SFR1: variants seen among roughly 807,000 people sequenced by gnomAD.
SFR1 encodes the protein swi5-dependent recombination DNA repair protein 1 homolog.
Under a neutral mutation model 26.2 loss-of-function variants are expected in SFR1, and 24 were observed. That is an observed-to-expected ratio of 0.92 (90% CI 0.66 to 1.29). SFR1 has a LOEUF of 1.29. Among genes scored for constraint, SFR1 ranks in the 50% most tolerant of loss-of-function variants. The probability of loss-of-function intolerance (pLI) is 0.00; values close to 1 mark genes in which losing one functional copy is unlikely to be tolerated. For synonymous variants in SFR1, 77 were observed against 96.6 expected (o/e 0.80, Z 1.19); for missense variants, 276 against 270.2 (o/e 1.02, Z -0.15).
At chr10:104,123,325 A>C in intron 2 of SFR1, 1 of 454,138 alleles carries the variant, frequency 2.2e-6, no homozygotes, top group Non-Finnish European at 3.8e-6. Flanking sequence ...GGTTATTACA[A>C]TACTCCAGAT....
chr10:104,122,034 C>G (rs532651960), upstream of SFR1: 289 of 944,166 alleles, frequency 3.1e-4, 1 homozygote, highest in African/African-American at 4.5e-3. Flanking sequence ...GCGCGCAGTC[C>G]CACCGCTCTG....
intron 2 of SFR1, 134 bp downstream of exon 2, chr10:104,123,220 ATT>A: frequency 1.3e-6 from 1 of 777,368 alleles, no homozygotes; most frequent in South Asian, 2.4e-5. Flanking sequence ...TTATTAAATA[ATT>A]TTGTTTTTCT....
rs1183445870 is a variant in SFR1 at position 104,123,008 on chromosome 10, C to G, written c.57C>G (p.Asp19Glu). ...CTTTCAAGATGGAAAGTCCGTCAGACTCAGCTGTGGTTTTACCTAGCACTC... is the reference window on the plus strand; with the variant it reads ...CTTTCAAGATGGAAAGTCCGTCAGAGTCAGCTGTGGTTTTACCTAGCACTC... ...DFTFKMESPSDSAVVLPSTPQ... is the reference protein window; with the variant it reads ...DFTFKMESPSESAVVLPSTPQ... The change falls in exon 2 of 4, where the codon GAC becomes GAG. Residue 19 changes from aspartate to glutamate, a missense_variant. By Grantham distance (45) the Asp-to-Glu change is conservative (BLOSUM62 2). Coordinates refer to ENST00000369727, the MANE Select transcript of SFR1 (RefSeq NM_001002759.2). 6.2e-7 allele frequency: 1 copy of G among 1,613,700 alleles called. No homozygotes were observed. Among genetic ancestry groups the G allele is most frequent in the African/African-American group, 1.3e-5 (1 of 74,876 alleles).
At chr10:104,122,126 C>T (rs1052235482), upstream of SFR1, 12 of 1,545,784 alleles carry the variant, frequency 7.8e-6, no homozygotes, top group African/African-American at 1.5e-4. Flanking sequence ...CGGCCCCGCC[C>T]CTGCCACAGG....
intron 2 of SFR1, chr10:104,123,320 TTA>T: frequency 2.1e-6 from 1 of 470,434 alleles, no homozygotes; most frequent in East Asian, 3.4e-5. Flanking sequence ...GATTAGGTTA[TTA>T]CAATACTCCA....
chr10:104,125,510 C>T lies in SFR1; in HGVS notation c.547-3C>T, dbSNP rs1266603178. On this transcript the variant is annotated splice_polypyrimidine_tract_variant and splice_region_variant and intron_variant, in intron 3 of 3. Coordinates refer to ENST00000369727, the MANE Select transcript of SFR1 (RefSeq NM_001002759.2). ...GACATACATGTTTTTTTTTCTGTTT[C>T]AGAATGATCTGTCTCAGTTACAGTT... is the stretch of plus-strand genomic sequence containing the variant. 5.0e-6 allele frequency: 8 copies of T among 1,592,504 alleles called. No individual in the cohort carries two copies. The Admixed American group carries it at 5.6e-5, about 11-fold the overall frequency.
At chr10:104,125,413 T>A in intron 3 of SFR1, 100 bp from the exon 4 acceptor site, 1 of 852,334 alleles carries the variant, frequency 1.2e-6, no homozygotes, top group South Asian at 1.6e-5. Flanking sequence ...TCCCTGTGTA[T>A]GTTAGCCTTT....
At chr10:104,124,488 T>G (rs2134706728) in intron 3 of SFR1, among the ~76,000 whole-genome samples, 1 of 151,676 alleles carries the variant, frequency 6.6e-6, no homozygotes, top group Non-Finnish European at 1.5e-5. Flanking sequence ...ATAAAAGGTA[T>G]TTTTAGTAAT....
Position 104,126,319 on chromosome 10 carries a change from A to G in SFR1, c.*615A>G, listed in dbSNP as rs1257957585. The G allele has an allele frequency of 6.6e-6, 1 of 152,666 alleles. No individual in the cohort carries two copies. The highest frequency in any genetic ancestry group is 1.9e-4 in the East Asian group (1 of 5,204). 9.5% of individuals were successfully genotyped at this position (152,666 alleles called of 1,614,324 possible). A position where few individuals can be genotyped will look rare whatever the true frequency, so the allele number is the denominator to read the frequency against. Reference sequence around the variant, plus strand: ...TCCTAAGTTTATGTACCTTGTTTCCATCCATTTACCACATATTTCCATCTG... The same window carrying G: ...TCCTAAGTTTATGTACCTTGTTTCCGTCCATTTACCACATATTTCCATCTG... On this transcript the variant is annotated 3_prime_UTR_variant, in exon 4 of 4. Coordinates refer to ENST00000369727, the MANE Select transcript of SFR1 (RefSeq NM_001002759.2).
chr10:104,121,462 CCCCAACGCTGGAA>C (rs1208516534), upstream of SFR1, among the ~76,000 whole-genome samples: 6 of 152,254 alleles, frequency 3.9e-5, no homozygotes, highest in East Asian at 1.9e-4. Flanking sequence ...GAAATGTGGA[CCCCAACGCTGGAA>C]CCCAACGCTG....
intron 2 of SFR1, among the ~76,000 whole-genome samples, 195 bp from the exon 3 acceptor site, chr10:104,123,519 T>C (rs1240987467): frequency 6.6e-6 from 1 of 152,200 alleles, no homozygotes; most frequent in Non-Finnish European, 1.5e-5. Flanking sequence ...TTGATCTTGC[T>C]GAAGTAAAAA....
At chr10:104,121,718 G>A (rs2086963418), upstream of SFR1, among the ~76,000 whole-genome samples, 1 of 152,176 alleles carries the variant, frequency 6.6e-6, no homozygotes, top group Non-Finnish European at 1.5e-5. Flanking sequence ...GTGGGGAGAG[G>A]CACTTTCAGG....
upstream of SFR1, among the ~76,000 whole-genome samples, chr10:104,121,229 T>A (rs1223637089): frequency 6.6e-6 from 1 of 152,160 alleles, no homozygotes; most frequent in African/African-American, 2.4e-5. Flanking sequence ...GCTTCCTGTG[T>A]TGCGCCACAA....
At chr10:104,122,388 C>G in intron 1 of SFR1, 192 bp downstream of exon 1, 2 of 985,400 alleles carry the variant, frequency 2.0e-6, no homozygotes, top group South Asian at 4.7e-5. Flanking sequence ...GTTTACCCCT[C>G]AAAAGTTAAT....
chr10:104,125,235 T>C (rs2134708461), intron 3 of SFR1, among the ~76,000 whole-genome samples: 1 of 152,350 alleles, frequency 6.6e-6, no homozygotes, highest in African/African-American at 2.4e-5. Context: ...CCCTGTATTA[T>C]TGCTTCTTGA....
At chr10:104,122,652 A>C in intron 1 of SFR1, 1 of 1,330,456 alleles carries the variant, frequency 7.5e-7, no homozygotes, top group Non-Finnish European at 9.6e-7. Flanking sequence ...ATTCCTGATT[A>C]TCTAAAGCTG....
At chr10:104,122,037 C>T (rs1308163849), upstream of SFR1, 5 of 984,588 alleles carry the variant, frequency 5.1e-6, no homozygotes, top group Non-Finnish European at 7.5e-6. Flanking sequence ...CGCAGTCCCA[C>T]CGCTCTGAGT....
intron 1 of SFR1, chr10:104,122,470 T>C: frequency 1.0e-6 from 1 of 985,440 alleles, no homozygotes; most frequent in Non-Finnish European, 1.2e-6. Flanking sequence ...ACTAAAAGGC[T>C]ACAGACGGGC....
upstream of SFR1, chr10:104,122,023 C>A: frequency 1.3e-6 from 1 of 763,206 alleles, no homozygotes; most frequent in Non-Finnish European, 2.1e-6. Context: ...GGCGGAGGCG[C>A]GCGCGCAGTC....
Sources: gnomAD v4.1 joint callset for allele counts (sites outside exome capture counted in the v4.1 genomes callset) on GRCh38, gnomAD v4.1.1 for gene constraint, MANE v1.5 for transcripts, NCBI Gene and HGNC (gene_info 2026-07-23, HGNC 2026-07-21) for gene names.